The following LRRC4C variants were observed in gnomAD, a reference collection of about 807,000 sequenced individuals.
The protein encoded by LRRC4C is leucine rich repeat containing 4C.
In LRRC4C, 5 loss-of-function variants were observed where a neutral mutation model predicts 33.6. That is an observed-to-expected ratio of 0.15 (90% CI 0.08 to 0.31). The LOEUF is 0.31. LRRC4C is among the 10% of genes least tolerant of loss of function. LRRC4C has a pLI of 1.00. For synonymous variants in LRRC4C, 329 were observed against 302.0 expected (o/e 1.09, Z -0.93); for missense variants, 560 against 796.7 (o/e 0.70, Z 3.58).
chr11:41,059,210 G>GTTGTTTTTTTTTT lies in LRRC4C; in HGVS notation c.-495-125488_-495-125487insAAAAAAAAAACAA, dbSNP rs71060994. On this transcript the variant is annotated intron_variant, in intron 1 of 6. Coordinates refer to ENST00000528697, the MANE Select transcript of LRRC4C (RefSeq NM_001258419.2). ...ATATACTCCTGATACTAAAATAAAA[G>GTTGTTTTTTTTTT]TTTTTTTTTTTTTTTAAGAAAAAGA... 6.4e-5 allele frequency among the ~76,000 whole-genome samples: 8 copies of GTTGTTTTTTTTTT among 125,192 alleles called. 1 individual carries two copies. Among genetic ancestry groups the GTTGTTTTTTTTTT allele is most frequent in the Non-Finnish European group, 8.1e-5 (5 of 61,590 alleles). 82.1% of individuals were successfully genotyped at this position (125,192 alleles called of 152,430 possible). A position where few individuals can be genotyped will look rare whatever the true frequency, so the allele number is the denominator to read the frequency against.
At chr11:40,631,626 C>T (rs1310841607) in intron 3 of LRRC4C, among the ~76,000 whole-genome samples, 2 of 152,014 alleles carry the variant, frequency 1.3e-5, no homozygotes, top group Non-Finnish European at 2.9e-5. Context: ...TCTATCCTGA[C>T]ACATGATAGG....
intron 1 of LRRC4C, among the ~76,000 whole-genome samples, chr11:41,334,861 GAAACAAAC>G (rs149848168): frequency 0.2 from 29,625 of 150,630 alleles, 3,207 homozygotes; most frequent in East Asian, 0.45. Flanking sequence ...TCCAAAGAAC[GAAACAAAC>G]AAACAAACAA....
At chr11:40,192,315 G>C (rs1313282111) in intron 5 of LRRC4C, among the ~76,000 whole-genome samples, 4 of 152,058 alleles carry the variant, frequency 2.6e-5, no homozygotes, top group African/African-American at 9.7e-5. Flanking sequence ...AGCCCACAGA[G>C]GGCGAGCAGA....
At chr11:41,034,141 C>T (rs1303149782) in intron 1 of LRRC4C, among the ~76,000 whole-genome samples, 1 of 151,890 alleles carries the variant, frequency 6.6e-6, no homozygotes, top group Non-Finnish European at 1.5e-5. Flanking sequence ...ATAAGGAGGG[C>T]TCTGCCCTCT....
intron 1 of LRRC4C, among the ~76,000 whole-genome samples, chr11:40,958,127 A>C (rs1444103798): frequency 6.6e-6 from 1 of 151,650 alleles, no homozygotes; most frequent in Admixed American, 6.6e-5. Context: ...CACACACTGA[A>C]TCTGCCAGGC....
chr11:40,532,087 C>T (rs77268996), intron 3 of LRRC4C, among the ~76,000 whole-genome samples: 8,397 of 149,686 alleles, frequency 0.056, 713 homozygotes, highest in African/African-American at 0.18. Context: ...CCATTGCACT[C>T]GTAGTTTCTA....
intron 3 of LRRC4C, among the ~76,000 whole-genome samples, chr11:40,624,053 T>A (rs1437354303): frequency 2.6e-5 from 4 of 152,110 alleles, no homozygotes; most frequent in Non-Finnish European, 4.4e-5. Context: ...TTTCAGTGTA[T>A]CAAAAGCCAC....
intron 3 of LRRC4C, among the ~76,000 whole-genome samples, chr11:40,320,845 G>C (rs576992043): frequency 1.3e-5 from 2 of 152,158 alleles, no homozygotes; most frequent in African/African-American, 2.4e-5. Flanking sequence ...AAACTCCCAT[G>C]CTTAAATAAA....
intron 5 of LRRC4C, among the ~76,000 whole-genome samples, chr11:40,220,760 A>T (rs568203630): frequency 6.6e-6 from 1 of 152,324 alleles, no homozygotes; most frequent in Non-Finnish European, 1.5e-5. Context: ...GTACACAAAA[A>T]TATTAAAAAC....
intron 3 of LRRC4C, among the ~76,000 whole-genome samples, chr11:40,463,002 G>A (rs79298491): frequency 0.041 from 6,176 of 151,896 alleles, 401 homozygotes; most frequent in African/African-American, 0.14. Context: ...TGTCTCATAC[G>A]GTAGTCACCA....
intron 1 of LRRC4C, among the ~76,000 whole-genome samples, chr11:41,198,698 C>A (rs544224301): frequency 1.3e-5 from 2 of 151,890 alleles, no homozygotes; most frequent in South Asian, 4.2e-4. Flanking sequence ...TCCATTTTCA[C>A]GGTGGCCCTC....
intron 1 of LRRC4C, among the ~76,000 whole-genome samples, chr11:41,395,057 G>A (rs574898351): frequency 5.9e-5 from 9 of 151,960 alleles, no homozygotes; most frequent in African/African-American, 2.2e-4. Context: ...TCTACTAAAC[G>A]TTCACATGTC....
intron 1 of LRRC4C, among the ~76,000 whole-genome samples, chr11:41,231,912 T>C (rs1036003497): frequency 3.3e-5 from 5 of 151,906 alleles, no homozygotes; most frequent in Admixed American, 6.6e-5. Context: ...TCTTTGCCTA[T>C]AGGACAAAGT....
intron 1 of LRRC4C, among the ~76,000 whole-genome samples, chr11:41,099,249 A>G (rs1021945180): frequency 6.6e-6 from 1 of 152,088 alleles, no homozygotes; most frequent in African/African-American, 2.4e-5. Flanking sequence ...GCCAAATTCA[A>G]CCAGATATAC....
chr11:40,137,508 A>G (rs1310087307), intron 6 of LRRC4C, among the ~76,000 whole-genome samples: 1 of 152,166 alleles, frequency 6.6e-6, no homozygotes, highest in Admixed American at 6.5e-5. Flanking sequence ...GGATTGCAAG[A>G]GACTACCCAC....
intron 1 of LRRC4C, among the ~76,000 whole-genome samples, chr11:41,179,711 A>C (rs960371186): frequency 6.6e-6 from 1 of 152,222 alleles, no homozygotes; most frequent in Non-Finnish European, 1.5e-5. Flanking sequence ...ACTGTTTCCT[A>C]CAACACAGAA....
At chr11:41,457,944 A>G (rs1452541603) in intron 1 of LRRC4C, among the ~76,000 whole-genome samples, 1 of 151,878 alleles carries the variant, frequency 6.6e-6, no homozygotes, top group Non-Finnish European at 1.5e-5. Flanking sequence ...CTCTTCTTTA[A>G]GTTTTTTGTT....
At chr11:40,201,729 A>T (rs1004555205) in intron 5 of LRRC4C, among the ~76,000 whole-genome samples, 23 of 152,184 alleles carry the variant, frequency 1.5e-4, no homozygotes, top group African/African-American at 5.3e-4. Flanking sequence ...AGGGAAATCC[A>T]TTCTAGAGGG....
chr11:40,357,233 A>C (rs1001823219), intron 3 of LRRC4C, among the ~76,000 whole-genome samples: 3 of 152,130 alleles, frequency 2.0e-5, no homozygotes, highest in Admixed American at 6.5e-5. Context: ...TGTGACTGCT[A>C]TTTTATTAAA....
Sources: gnomAD v4.1 joint callset for allele counts (sites outside exome capture counted in the v4.1 genomes callset) on GRCh38, gnomAD v4.1.1 for gene constraint, MANE v1.5 for transcripts, NCBI Gene and HGNC (gene_info 2026-07-23, HGNC 2026-07-21) for gene names.